ROBO1: variants seen among roughly 807,000 people sequenced by gnomAD.
The protein encoded by ROBO1 is roundabout guidance receptor 1.
A neutral mutation model predicts 195.9 loss-of-function variants in ROBO1; 149 were observed. That is an observed-to-expected ratio of 0.76 (90% confidence interval 0.67 to 0.87). The LOEUF (loss-of-function observed/expected upper bound fraction) is 0.87. Among genes scored for constraint, ROBO1 ranks in the 40% least tolerant of loss-of-function variants. The pLI is 0.00. For missense variants in ROBO1, 1,933 were observed against 2,068.3 expected, an observed-to-expected ratio of 0.93 and a Z score of 1.27; for synonymous variants, 816 against 733.2, an observed-to-expected ratio of 1.11 and a Z score of -1.82.
intron 3 of ROBO1, among the ~76,000 whole-genome samples, chr3:78,968,975 G>C (rs1035827875): frequency 3.9e-5 from 6 of 152,118 alleles, no homozygotes; most frequent in Non-Finnish European, 8.8e-5. Context: ...AAATAGTTAA[G>C]TACTTTGTCT....
chr3:78,639,662 A>G, intron 22 of ROBO1, 82 bp downstream of exon 22: 1 of 1,325,854 alleles, frequency 7.5e-7, no homozygotes, highest in Non-Finnish European at 1.0e-6. Context: ...TATCTTTCCC[A>G]TGTAGGGAGA....
At chr3:78,670,570 A>T (rs1020397230) in intron 10 of ROBO1, 1 of 383,886 alleles carries the variant, frequency 2.6e-6, no homozygotes, top group East Asian at 4.9e-5. Context: ...TTCGGGAATT[A>T]GGATTGTGGA....
chr3:79,041,035 C>T (rs2078478948), intron 3 of ROBO1, among the ~76,000 whole-genome samples: 1 of 152,194 alleles, frequency 6.6e-6, no homozygotes, highest in South Asian at 2.1e-4. Flanking sequence ...CCCTACCCTG[C>T]CATTCCCTGC....
chr3:78,708,573 A>G (rs922878127), intron 8 of ROBO1, among the ~76,000 whole-genome samples: 1 of 152,176 alleles, frequency 6.6e-6, no homozygotes, highest in Non-Finnish European at 1.5e-5. Context: ...GTAAGCATCT[A>G]ATAAATACGT....
At position 78,717,281 on chromosome 3, in the gene ROBO1, T is replaced by C. The variant is rs1347817920; in HGVS notation, c.911A>G (p.Lys304Arg). 2 of 1,569,468 alleles carry C rather than the reference T, an allele frequency of 1.3e-6. No individual in the cohort carries two copies. The highest frequency in any genetic ancestry group is 1.7e-6 in the Non-Finnish European group (2 of 1,162,592). ...RWRKDDGELPKSRYEIRDDHT... is the reference protein window; with the variant it reads ...RWRKDDGELPRSRYEIRDDHT... ...ATGAAACTCTGATGTGTACCTGGAT[T>C]TGGGCAGCTCTCCATCATCTTTCCT... Residue 304 changes from lysine to arginine, a missense_variant, in exon 7 of 31, where the codon AAA becomes AGA. Around this residue, in one of 3 missense-constraint regions of ROBO1, gnomAD observed 1,737 missense variants for 1,882.5 expected, o/e 0.92. Transcript: ENST00000464233.
chr3:78,960,322 A>G (rs1293247446), intron 3 of ROBO1, among the ~76,000 whole-genome samples: 1 of 150,564 alleles, frequency 6.6e-6, no homozygotes, highest in Non-Finnish European at 1.5e-5. Context: ...ATACTTTTAT[A>G]ATATCATGTT....
intron 1 of ROBO1, among the ~76,000 whole-genome samples, chr3:79,683,862 T>C (rs1947022524): frequency 6.6e-6 from 1 of 152,156 alleles, no homozygotes; most frequent in Admixed American, 6.6e-5. Context: ...GATATACATT[T>C]AGGTTATTTC....
intron 2 of ROBO1, among the ~76,000 whole-genome samples, chr3:79,350,908 C>T (rs2109264456): frequency 6.6e-6 from 1 of 152,178 alleles, no homozygotes; most frequent in Non-Finnish European, 1.5e-5. Context: ...CAATGTACTA[C>T]AGCCCCTAAC....
rs183318239 is a variant in ROBO1, at chr3:79,667,241, A to T, written c.-50-77280T>A. Among the ~76,000 whole-genome samples the T allele has an allele frequency of 8.6e-3, 1,314 of 152,026 alleles. 7 individuals carry two copies. The highest frequency in any genetic ancestry group is 0.013 in the Non-Finnish European group (893 of 67,890). On this transcript the variant is annotated intron_variant, in intron 1 of 30. Coordinates refer to ENST00000464233, the MANE Select transcript of ROBO1 (RefSeq NM_002941.4). ...AAAATATATTTTGGGATAATGCAGC[A>T]TTTAAAATATCCATAAAATATCATT...
At chr3:78,603,387 T>C (rs1703287224) in intron 29 of ROBO1, among the ~76,000 whole-genome samples, 1 of 152,148 alleles carries the variant, frequency 6.6e-6, no homozygotes, top group Non-Finnish European at 1.5e-5. Context: ...TCTTCTGGAC[T>C]CTCAAGTATC....
At chr3:79,348,469 A>T (rs546189190) in intron 2 of ROBO1, among the ~76,000 whole-genome samples, 4 of 152,228 alleles carry the variant, frequency 2.6e-5, no homozygotes, top group Admixed American at 2.6e-4. Flanking sequence ...CCAAATGTTC[A>T]CAGTATTTTT....
chr3:79,387,402 T>G (rs1575759000), intron 2 of ROBO1, among the ~76,000 whole-genome samples: 1 of 151,156 alleles, frequency 6.6e-6, no homozygotes, highest in East Asian at 1.9e-4. Context: ...AAAAGAAGAC[T>G]TCACTTGCAT....
intron 2 of ROBO1, among the ~76,000 whole-genome samples, chr3:79,480,321 T>A (rs905264980): frequency 6.6e-6 from 1 of 152,188 alleles, no homozygotes; most frequent in African/African-American, 2.4e-5. Flanking sequence ...TATGTTAGAA[T>A]ATATTATTCA....
chr3:79,493,522 G>T (rs1939574975), intron 2 of ROBO1, among the ~76,000 whole-genome samples: 2 of 151,924 alleles, frequency 1.3e-5, no homozygotes, highest in Admixed American at 1.3e-4. Flanking sequence ...CATTGGAATG[G>T]ACATTGACTA....
chr3:79,088,554 G>A (rs2079417597), intron 3 of ROBO1, among the ~76,000 whole-genome samples: 1 of 152,110 alleles, frequency 6.6e-6, no homozygotes, highest in Admixed American at 6.5e-5. Flanking sequence ...ATTGTAAAGA[G>A]AGTAACAGGA....
chr3:78,987,046 C>T (rs764469084), intron 3 of ROBO1, among the ~76,000 whole-genome samples: 1 of 150,660 alleles, frequency 6.6e-6, no homozygotes, highest in Non-Finnish European at 1.5e-5. Context: ...GGCAATAAAA[C>T]ACAGCAGTGT....
At position 78,715,778 on chromosome 3, in the gene ROBO1, C is replaced by T. The variant is rs140448730; in HGVS notation, c.918-1254G>A. On this transcript the variant is annotated intron_variant, in intron 7 of 30. Coordinates refer to ENST00000464233, the MANE Select transcript of ROBO1 (RefSeq NM_002941.4). ...CTCGAACTCCTGACCTCAGGTGATCCGCCCTCCTCGGCCTCCCAAAGTGCT... is the reference window on the plus strand; with the variant it reads ...CTCGAACTCCTGACCTCAGGTGATCTGCCCTCCTCGGCCTCCCAAAGTGCT... 5.9e-3 allele frequency among the ~76,000 whole-genome samples: 891 copies of T among 152,236 alleles called. 10 individuals carry two copies. Among genetic ancestry groups the T allele is most frequent in the African/African-American group, 0.02 (839 of 41,542 alleles).
chr3:79,741,481 C>G (rs934064522), intron 1 of ROBO1, among the ~76,000 whole-genome samples: 1 of 152,106 alleles, frequency 6.6e-6, no homozygotes, highest in African/African-American at 2.4e-5. Flanking sequence ...AAAAAATTAT[C>G]CTGTAAACAA....
intron 2 of ROBO1, among the ~76,000 whole-genome samples, chr3:79,250,012 CA>C (rs1226495321): frequency 6.6e-6 from 1 of 152,036 alleles, no homozygotes; most frequent in African/African-American, 2.4e-5. Flanking sequence ...AGGAGAAGAC[CA>C]GGGAAGTAAT....
Sources: gnomAD v4.1 joint callset for allele counts (sites outside exome capture counted in the v4.1 genomes callset) on GRCh38, gnomAD v4.1.1 for gene constraint, gnomAD v4.1.1 regional missense constraint, MANE v1.5 for transcripts, NCBI Gene and HGNC (gene_info 2026-07-23, HGNC 2026-07-21) for gene names.